The following CA5B variants were observed in gnomAD, a reference collection of about 807,000 sequenced individuals.
CA5B encodes the protein carbonic anhydrase 5B.
CA5B carries 15 observed loss-of-function variants against 23.1 expected under a neutral mutation model. That is an observed-to-expected ratio of 0.65 (90% confidence interval 0.43 to 1.00). The LOEUF is 1.00. Ranked by LOEUF, CA5B falls within the 50% of genes least tolerant of loss-of-function variation. The pLI is 0.00. For missense variants in CA5B, 236 were observed against 252.2 expected (o/e 0.94, Z 0.43); for synonymous variants, 84 against 98.5 (o/e 0.85, Z 0.87).
chrX:15,773,217 AAAG>A (rs1298790008), intron 4 of CA5B, among the ~76,000 whole-genome samples: 40 of 110,972 alleles, frequency 3.6e-4, no homozygotes, highest in African/African-American at 1.3e-3. Flanking sequence ...TTATGTAAAA[AAAG>A]CCCATTTAAA....
chrX:15,782,712 G>C lies in CA5B; in HGVS notation c.*48G>C. The C allele has an allele frequency of 1.0e-6, 1 of 962,151 alleles. No homozygotes were observed. Among genetic ancestry groups the C allele is most frequent in the South Asian group, 2.4e-5 (1 of 40,821 alleles). The allele number at this position is 962,151 out of a possible 1,213,427, so 79.3% of individuals were successfully genotyped here. ...TTTGCTTTTGCTTTAATATATACTA[G>C]CTTACTATAAATTGTTAACTAGACT... On this transcript the variant is annotated 3_prime_UTR_variant, in exon 8 of 8. Transcript: ENST00000318636.
At chrX:15,774,893 T>C (rs979753257) in intron 5 of CA5B, among the ~76,000 whole-genome samples, 1 of 112,253 alleles carries the variant, frequency 8.9e-6, no homozygotes, top group Non-Finnish European at 1.9e-5. Flanking sequence ...CACAGCCCAA[T>C]AGAGTGGTCA....
chrX:15,752,164 A>C (rs189919753), intron 2 of CA5B, among the ~76,000 whole-genome samples: 1 of 109,852 alleles, frequency 9.1e-6, no homozygotes, highest in East Asian at 2.8e-4. Flanking sequence ...TAAGGTATAC[A>C]TTGTGAGGAC....
At chrX:15,756,103 C>A (rs930290406) in intron 2 of CA5B, among the ~76,000 whole-genome samples, 9 of 111,522 alleles carry the variant, frequency 8.1e-5, no homozygotes, top group African/African-American at 2.9e-4. Flanking sequence ...TTGAAAGATG[C>A]TTTATTTAAG....
At chrX:15,762,130 T>C (rs1051765870) in intron 2 of CA5B, among the ~76,000 whole-genome samples, 9 of 109,099 alleles carry the variant, frequency 8.2e-5, no homozygotes, top group African/African-American at 2.7e-4. Context: ...GTTAGCCGGG[T>C]GTGGTGGCAT....
At position 15,772,513 on chromosome X, in the gene CA5B, C is replaced by T. The variant is rs143068159; in HGVS notation, c.358C>T (p.Leu120=). ...TDKSVIKGGP[L]EHNYRLKQFH... is the part of the protein sequence containing the mutation. ...CATTTTAGTGATCAAGGGAGGACCC[C>T]TGGAACACAACTACCGATTGAAGCA... The change falls in exon 4 of 8, where the codon CTG becomes TTG. Residue 120 remains leucine, a synonymous_variant. Transcript: ENST00000318636. 3.3e-6 allele frequency: 4 copies of T among 1,203,710 alleles called. No individual in the cohort carries two copies. The highest frequency in any genetic ancestry group is 3.4e-6 in the Non-Finnish European group (3 of 888,644).
intron 1 of CA5B, among the ~76,000 whole-genome samples, chrX:15,745,951 A>G (rs1433459522): frequency 1.8e-5 from 2 of 110,852 alleles, no homozygotes; most frequent in African/African-American, 3.3e-5. Context: ...TTGTATTTAT[A>G]TAACACTTAG....
intron 6 of CA5B, 84 bp from the exon 7 acceptor site, chrX:15,776,630 C>G: frequency 2.7e-6 from 2 of 752,633 alleles, no homozygotes; most frequent in South Asian, 2.3e-5. Context: ...TCCAGATACT[C>G]CCTGAGAACC....
In CA5B at chrX:15,774,340, C is replaced by T. The variant is rs1474242263; in HGVS notation, c.498C>T (p.Asn166=). Residue 166 remains asparagine (N), a synonymous_variant, in exon 5 of 8, where the codon AAC becomes AAT. Transcript: ENST00000318636. ...ATTGGAACGCAGTCAGATTTGAAAA[C>T]TTTGAGGATGCAGCACTGGAAGAAA... ...LVHWNAVRFE[N]FEDAALEENG... 2.5e-6 allele frequency: 3 copies of T among 1,209,882 alleles called. No homozygotes were observed. The highest frequency in any genetic ancestry group is 3.4e-6 in the Non-Finnish European group (3 of 894,838).
In CA5B at chrX:15,775,346, T is replaced by C. The variant is rs781144937; in HGVS notation, c.618+38T>C. 1.1e-5 allele frequency: 13 copies of C among 1,166,797 alleles called. No homozygotes were observed. The East Asian group carries it at 3.9e-4, about 35-fold the overall frequency. On this transcript the variant is annotated intron_variant, in intron 6 of 7. Transcript: ENST00000318636. ...TTCCTTAATTACTTGAAATATACTT[T>C]TATGTTTCAATCTCAGAGCGGAGAC...
At chrX:15,738,704 T>C (rs112897625) in intron 1 of CA5B, among the ~76,000 whole-genome samples, 10,251 of 111,021 alleles carry the variant, frequency 0.092, 449 homozygotes, top group Non-Finnish European at 0.13. Context: ...CCAAGGTTGG[T>C]TGAATCCAAA....
chrX:15,773,657 C>T, intron 4 of CA5B, among the ~76,000 whole-genome samples: 1 of 110,472 alleles, frequency 9.1e-6, no homozygotes, highest in Middle Eastern at 4.3e-3. Flanking sequence ...GATCCACCCA[C>T]CTCGGCCTCC....
rs1453687638 is a variant in CA5B, at chrX:15,775,227, C to T, written c.556-19C>T. 1.7e-6 allele frequency: 2 copies of T among 1,147,525 alleles called. No individual in the cohort carries two copies. The highest frequency in any genetic ancestry group is 2.0e-5 in the South Asian group (1 of 50,834). The allele number at this position is 1,147,525 out of a possible 1,213,427, so 94.6% of individuals were successfully genotyped here. The stretch of plus-strand genomic sequence containing the variant: ...AGATGTCCATTGTTTGTAATATTTT[C>T]TTACTTGTTGTTCTTTAGCTAGGCA... On this transcript the variant is annotated intron_variant, in intron 5 of 7. Transcript: ENST00000318636.
At chrX:15,761,155 C>G (rs1171749915) in intron 2 of CA5B, among the ~76,000 whole-genome samples, 3 of 105,552 alleles carry the variant, frequency 2.8e-5, no homozygotes, top group Non-Finnish European at 4.0e-5. Flanking sequence ...GCCATGATTG[C>G]TTTTTCAAAT....
intron 1 of CA5B, among the ~76,000 whole-genome samples, chrX:15,741,540 C>T (rs1931122662): frequency 9.1e-6 from 1 of 109,750 alleles, no homozygotes; most frequent in African/African-American, 3.3e-5. Context: ...AGTGCAGTGG[C>T]ACGATCTCAG....
chrX:15,762,370 T>C (rs1452375184), intron 2 of CA5B, among the ~76,000 whole-genome samples: 3 of 111,099 alleles, frequency 2.7e-5, no homozygotes, highest in East Asian at 5.7e-4. Flanking sequence ...CTGCTTTTCA[T>C]GGAAATAGGA....
intron 2 of CA5B, among the ~76,000 whole-genome samples, chrX:15,757,656 C>T (rs1931520057): frequency 9.5e-6 from 1 of 105,091 alleles, no homozygotes; most frequent in African/African-American, 3.5e-5. Flanking sequence ...TGCAGTGAGC[C>T]AAGATCGTGC....
At position 15,741,534 on chromosome X, in the gene CA5B, C is replaced by T. The variant is rs185448627; in HGVS notation, c.-54+3182C>T. Among the ~76,000 whole-genome samples the T allele has an allele frequency of 6.3e-3, 694 of 109,811 alleles. 13 individuals are homozygous for T. Among genetic ancestry groups the T allele is most frequent in the African/African-American group, 0.022 (672 of 30,038 alleles). On this transcript the variant is annotated intron_variant, in intron 1 of 7. Coordinates refer to ENST00000318636, the MANE Select transcript of CA5B (RefSeq NM_007220.4). ...TTGCTGTGTCGCCCAGGCTGGAGTG[C>T]AGTGGCACGATCTCAGCTCACTGCA...
chrX:15,776,584 A>C, intron 6 of CA5B, 130 bp from the exon 7 acceptor site: 1 of 482,926 alleles, frequency 2.1e-6, no homozygotes, highest in Non-Finnish European at 3.6e-6. Context: ...GTAGCTGCCC[A>C]GAAAGGCCTG....
Sources: gnomAD v4.1 joint callset for allele counts (sites outside exome capture counted in the v4.1 genomes callset) on GRCh38, gnomAD v4.1.1 for gene constraint, MANE v1.5 for transcripts, NCBI Gene and HGNC (gene_info 2026-07-23, HGNC 2026-07-21) for gene names.